Variants in KLHL24 observed in about 807,000 individuals in gnomAD.
The protein encoded by KLHL24 is kelch-like protein 24.
KLHL24 carries 29 observed loss-of-function variants against 53.4 expected under a neutral mutation model. That is an observed-to-expected ratio of 0.54 (90% CI 0.40 to 0.74). The LOEUF (loss-of-function observed/expected upper bound fraction) is 0.74, where lower values mean the gene tolerates loss of function less well. Among genes scored for constraint, KLHL24 ranks in the 30% least tolerant of loss-of-function variants. The probability of loss-of-function intolerance (pLI) is 0.00; values close to 1 mark genes in which losing one functional copy is unlikely to be tolerated. For missense variants in KLHL24, 504 were observed against 744.0 expected (o/e 0.68, Z 3.75); for synonymous variants, 222 against 253.7 (o/e 0.88, Z 1.19).
intron 1 of KLHL24, among the ~76,000 whole-genome samples, chr3:183,637,919 A>G (rs976947973): frequency 6.6e-6 from 1 of 152,208 alleles, no homozygotes; most frequent in Non-Finnish European, 1.5e-5. Flanking sequence ...TCAGCCTCCC[A>G]AAGTGCTGGG....
chr3:183,670,667 G>A lies in KLHL24; in HGVS notation c.1225-367G>A, dbSNP rs768887413. Among the ~76,000 whole-genome samples, 11 of 152,196 alleles carry A rather than the reference G, an allele frequency of 7.2e-5. No individual in the cohort carries two copies. In the South Asian group the frequency reaches 2.3e-3, roughly 32 times the overall value. ...TAAGCTAAATTGTACCATTCTCAGTGTGAGCAGTATTACCCCCAAGGGGGC... is the reference window on the plus strand; with the variant it reads ...TAAGCTAAATTGTACCATTCTCAGTATGAGCAGTATTACCCCCAAGGGGGC... On this transcript the variant is annotated intron_variant, in intron 5 of 7. Transcript: ENST00000242810.
chr3:183,655,089 C>T (rs1002311452), intron 3 of KLHL24, among the ~76,000 whole-genome samples: 1 of 152,134 alleles, frequency 6.6e-6, no homozygotes, highest in African/African-American at 2.4e-5. Context: ...CTATTCTGTG[C>T]CAAGTATTGT....
intron 5 of KLHL24, 149 bp downstream of exon 5, chr3:183,665,188 T>C: frequency 1.7e-6 from 1 of 576,886 alleles, no homozygotes. Context: ...ACCAAAGATA[T>C]AAACAATATG....
chr3:183,662,668 G>A (rs1254720317), intron 3 of KLHL24, among the ~76,000 whole-genome samples: 1 of 152,104 alleles, frequency 6.6e-6, no homozygotes, highest in Non-Finnish European at 1.5e-5. Context: ...AATTCTTTTA[G>A]TGGTGTTAAA....
rs1712578670 is a variant in KLHL24, at chr3:183,680,608, A to C, written c.*1322A>C. The C allele has an allele frequency of 6.6e-6, 1 of 152,216 alleles. No individual in the cohort carries two copies. 9.4% of individuals were successfully genotyped at this position (152,216 alleles called of 1,614,324 possible). A position where few individuals can be genotyped will look rare whatever the true frequency, so the allele number is the denominator to read the frequency against. On this transcript the variant is annotated 3_prime_UTR_variant, in exon 8 of 8. Coordinates refer to ENST00000242810, the MANE Select transcript of KLHL24 (RefSeq NM_017644.3). The stretch of plus-strand genomic sequence containing the variant: ...CTAATCAACATTTTCAAGCTTCTGT[A>C]CAACAGACTGCTTTTGTCTAGATTT...
At chr3:183,659,129 T>C (rs1414146915) in intron 3 of KLHL24, among the ~76,000 whole-genome samples, 1 of 134,136 alleles carries the variant, frequency 7.5e-6, no homozygotes, top group Non-Finnish European at 1.6e-5. Flanking sequence ...TGAAAGCCAT[T>C]TGTAGGTTGT....
At chr3:183,666,799 A>G (rs1051116772) in intron 5 of KLHL24, among the ~76,000 whole-genome samples, 1 of 152,300 alleles carries the variant, frequency 6.6e-6, no homozygotes, top group African/African-American at 2.4e-5. Flanking sequence ...TTTATTACAT[A>G]ACAGATGAAA....
In KLHL24 at chr3:183,672,304, T is replaced by G. The variant is rs770104227; in HGVS notation, c.1422T>G (p.Ser474=). ...TTTTTATATGTTATTAGGTTCAATC[T>G]TATGATCCAGAAACCAATTCTTGGC... ...DDNTCSDKVQ[S]YDPETNSWLL... is the part of the protein sequence containing the mutation. The change falls in exon 7 of 8, where the codon TCT becomes TCG. Residue 474 remains serine (S), a synonymous_variant. Transcript: ENST00000242810. The G allele has an allele frequency of 1.3e-6, 2 of 1,578,244 alleles. No individual in the cohort carries two copies. The highest frequency in any genetic ancestry group is 4.5e-5 in the East Asian group (2 of 44,234).
At chr3:183,667,943 G>C (rs753708443) in intron 5 of KLHL24, among the ~76,000 whole-genome samples, 32 of 151,184 alleles carry the variant, frequency 2.1e-4, no homozygotes, top group Non-Finnish European at 4.1e-4. Flanking sequence ...AAACTCCTGG[G>C]TTCAAGCCAT....
chr3:183,638,565 AT>A (rs1715764013), intron 1 of KLHL24, among the ~76,000 whole-genome samples: 1 of 152,216 alleles, frequency 6.6e-6, no homozygotes, highest in Non-Finnish European at 1.5e-5. Flanking sequence ...TTTTTGTATG[AT>A]TTTATTTCTG....
intron 7 of KLHL24, among the ~76,000 whole-genome samples, chr3:183,674,245 TTC>T (rs1486864928): frequency 2.3e-4 from 20 of 88,304 alleles, no homozygotes; most frequent in Admixed American, 6.6e-4. Flanking sequence ...AGCATCAATT[TTC>T]TTTCTTTCTT....
At chr3:183,660,686 C>A (rs1412395670) in intron 3 of KLHL24, among the ~76,000 whole-genome samples, 1 of 152,024 alleles carries the variant, frequency 6.6e-6, no homozygotes, top group Admixed American at 6.6e-5. Flanking sequence ...TAGCCATTTT[C>A]ATATAGAAGC....
rs369327489 is a variant in KLHL24, at chr3:183,670,018, A to G, written c.1225-1016A>G. On this transcript the variant is annotated intron_variant, in intron 5 of 7. Coordinates refer to ENST00000242810, the MANE Select transcript of KLHL24 (RefSeq NM_017644.3). Reference sequence around the variant, plus strand: ...CAACACTTTGGGAGGCTGAGGCAGGAGGATGGCTTGAGAGTGGGAGAATGG... The same window carrying G: ...CAACACTTTGGGAGGCTGAGGCAGGGGGATGGCTTGAGAGTGGGAGAATGG... 2.3e-4 allele frequency among the ~76,000 whole-genome samples: 35 copies of G among 152,314 alleles called. 1 individual carries two copies. The East Asian group carries it at 6.4e-3, about 28-fold the overall frequency.
rs1312964220 is a variant in KLHL24 at position 183,681,857 on chromosome 3, T to C, written c.*2571T>C. ...TCTCATCACATAAAGATTTTTCTTT[T>C]GATAGGTGATGCTCATATGAACCTT... On this transcript the variant is annotated 3_prime_UTR_variant, in exon 8 of 8. Coordinates refer to ENST00000242810, the MANE Select transcript of KLHL24 (RefSeq NM_017644.3). 6.6e-6 allele frequency: 1 copy of C among 152,534 alleles called. No individual in the cohort carries two copies. Among genetic ancestry groups the C allele is most frequent in the Non-Finnish European group, 1.5e-5 (1 of 67,952 alleles). The allele number at this position is 152,534 out of a possible 1,614,324, so 9.4% of individuals were successfully genotyped here.
rs1290590400 is a variant in KLHL24 at position 183,650,325 on chromosome 3, T to C, written c.-32T>C. 6.5e-7 allele frequency: 1 copy of C among 1,540,868 alleles called. No individual in the cohort carries two copies. Among genetic ancestry groups the C allele is most frequent in the East Asian group, 2.3e-5 (1 of 44,186 alleles). ...ATAAAGAAGATCCCTAATAGTCATT[T>C]CTCAACAATTATATAGTCAACTGAT... On this transcript the variant is annotated 5_prime_UTR_variant, in exon 3 of 8. Transcript: ENST00000242810. This position sits in a 1 kb window ranked among gnomAD's most constrained non-coding sequence, Gnocchi z 4.5.
chr3:183,671,822 T>C (rs1372975519), intron 6 of KLHL24, among the ~76,000 whole-genome samples: 1 of 152,238 alleles, frequency 6.6e-6, no homozygotes, highest in Non-Finnish European at 1.5e-5. Context: ...TAATTCTTTT[T>C]CTAAATTCAG....
intron 7 of KLHL24, among the ~76,000 whole-genome samples, chr3:183,673,241 A>T (rs979965098): frequency 5.3e-5 from 8 of 152,130 alleles, no homozygotes; most frequent in African/African-American, 1.9e-4. Context: ...AAAATATTTC[A>T]TGTTTGCTTG....
chr3:183,678,953 G>A (rs1712376096), intron 7 of KLHL24, 133 bp from the exon 8 acceptor site: 1 of 681,300 alleles, frequency 1.5e-6, no homozygotes, highest in East Asian at 2.7e-5. Context: ...AGCAGAGTTG[G>A]GCCAAAGGAC....
intron 3 of KLHL24, among the ~76,000 whole-genome samples, chr3:183,655,860 G>A (rs1718786037): frequency 6.6e-6 from 1 of 151,912 alleles, no homozygotes; most frequent in Non-Finnish European, 1.5e-5. Context: ...GAACCTGGGA[G>A]GCAGAGATTG....
Sources: gnomAD v4.1 joint callset for allele counts (sites outside exome capture counted in the v4.1 genomes callset) on GRCh38, gnomAD v4.1.1 for gene constraint, Gnocchi (gnomAD v3.1) non-coding constraint, MANE v1.5 for transcripts, NCBI Gene and HGNC (gene_info 2026-07-23, HGNC 2026-07-21) for gene names.